Variants in ABCA5 observed in about 807,000 individuals in gnomAD.
The protein encoded by ABCA5 is cholesterol transporter ABCA5.
A neutral mutation model predicts 206.0 loss-of-function variants in ABCA5; 163 were observed. The observed-to-expected ratio is 0.79, with a 90% CI of 0.70 to 0.90. The LOEUF (loss-of-function observed/expected upper bound fraction) is 0.90. Ranked by LOEUF, ABCA5 falls within the 40% of genes least tolerant of loss-of-function variation. The probability of loss-of-function intolerance (pLI) is 0.00; values close to 1 mark genes in which losing one functional copy is unlikely to be tolerated. For missense variants in ABCA5, 1,859 were observed against 1,912.9 expected (o/e 0.97, Z 0.53); for synonymous variants, 609 against 613.8 (o/e 0.99, Z 0.11).
intron 11 of ABCA5, among the ~76,000 whole-genome samples, chr17:69,293,458 C>A (rs550506935): frequency 7.2e-5 from 11 of 152,106 alleles, no homozygotes; most frequent in African/African-American, 2.7e-4. Context: ...TATGGGTCCC[C>A]CTGGCTAGGC....
chr17:69,287,550 C>G (rs566334068), intron 15 of ABCA5, 63 bp downstream of exon 15: 13 of 1,537,334 alleles, frequency 8.5e-6, no homozygotes, highest in Non-Finnish European at 1.1e-5. Flanking sequence ...GAATTAGCAT[C>G]TCTATATCCA....
intron 14 of ABCA5, among the ~76,000 whole-genome samples, chr17:69,288,863 T>TA (rs952296039): frequency 3.3e-5 from 5 of 151,740 alleles, no homozygotes; most frequent in African/African-American, 1.2e-4. Flanking sequence ...GGGTGAGGAA[T>TA]AAAAAAAACT....
Position 69,294,649 on chromosome 17 carries a change from A to G in ABCA5, c.1495+6T>C. The G allele has an allele frequency of 6.3e-7, 1 of 1,599,266 alleles. No homozygotes were observed. Among genetic ancestry groups the G allele is most frequent in the East Asian group, 2.2e-5 (1 of 44,698 alleles). ...CTATGGCCTGAATACTAGGAAAACTACTTACTTCTCAAAGCCTCCACATTT... is the reference window on the plus strand; with the variant it reads ...CTATGGCCTGAATACTAGGAAAACTGCTTACTTCTCAAAGCCTCCACATTT... On this transcript the variant is annotated splice_donor_region_variant and intron_variant, in intron 11 of 38. Transcript: ENST00000392676.
intron 10 of ABCA5, among the ~76,000 whole-genome samples, chr17:69,296,342 G>A (rs948384572): frequency 6.6e-6 from 1 of 151,888 alleles, no homozygotes; most frequent in African/African-American, 2.4e-5. Flanking sequence ...AAAATATTAT[G>A]CTTCACTTTT....
At chr17:69,259,867 C>T in intron 27 of ABCA5, 70 bp from the exon 28 acceptor site, 2 of 948,140 alleles carry the variant, frequency 2.1e-6, no homozygotes, top group Admixed American at 4.9e-5. Context: ...TTTCCTTTGC[C>T]AACAGAACTA....
rs551361957 is a variant in ABCA5 at position 69,278,880 on chromosome 17, A to G, written c.2393-1038T>C. ...TCAATAAATTAGGTATTGATGGGACATATCTCAAAATAATAAGAGCTATCT... is the reference window on the plus strand; with the variant it reads ...TCAATAAATTAGGTATTGATGGGACGTATCTCAAAATAATAAGAGCTATCT... On this transcript the variant is annotated intron_variant, in intron 18 of 38. Coordinates refer to ENST00000392676, the MANE Select transcript of ABCA5 (RefSeq NM_172232.4). Among the ~76,000 whole-genome samples the G allele has an allele frequency of 7.9e-3, 1,193 of 151,486 alleles. 7 individuals are homozygous for G. The highest frequency in any genetic ancestry group is 0.014 in the Middle Eastern group (4 of 294).
intron 19 of ABCA5, among the ~76,000 whole-genome samples, chr17:69,275,326 G>A (rs1047973918): frequency 2.0e-5 from 3 of 152,158 alleles, no homozygotes; most frequent in East Asian, 1.9e-4. Flanking sequence ...TTTATCTGAA[G>A]AGCAGCTACT....
At chr17:69,271,321 A>G in intron 20 of ABCA5, 32 bp from the exon 21 acceptor site, 5 of 1,592,692 alleles carry the variant, frequency 3.1e-6, no homozygotes, top group Non-Finnish European at 3.4e-6. Context: ...ATAATAAAAA[A>G]TGAGTCTAAA....
At chr17:69,318,972 C>T in intron 1 of ABCA5, 1 of 534,624 alleles carries the variant, frequency 1.9e-6, no homozygotes. Context: ...TAAATAATGG[C>T]TGTTCAGCAG....
At chr17:69,290,166 G>A (rs115819511) in intron 12 of ABCA5, 129 bp from the exon 13 acceptor site, 6 of 571,492 alleles carry the variant, frequency 1.0e-5, no homozygotes. Context: ...AATTTACAAG[G>A]CACAACACAC....
intron 23 of ABCA5, 136 bp downstream of exon 23, chr17:69,267,807 C>T (rs2075227408): frequency 2.3e-6 from 1 of 436,102 alleles, no homozygotes; most frequent in Non-Finnish European, 4.2e-6. Context: ...CAATAAGAAA[C>T]TATAATAAAT....
intron 24 of ABCA5, among the ~76,000 whole-genome samples, chr17:69,262,576 A>G (rs2075161266): frequency 6.6e-6 from 1 of 151,994 alleles, no homozygotes; most frequent in South Asian, 2.1e-4. Context: ...ATTCTTTTTT[A>G]TGGCTGCTCA....
Position 69,313,207 on chromosome 17 carries a change from T to A in ABCA5, c.192A>T (p.Ile64=). The part of the protein sequence containing the change: ...PNKKYEEVPN[I]ELNPMDKFTL... ...TAAACTTGTCCATAGGATTGAGTTC[T>A]ATATTAGGCACTTCTTCATATTTCT... The change falls in exon 3 of 39, where the codon ATA becomes ATT. Residue 64 remains isoleucine (I), a synonymous_variant. Coordinates refer to ENST00000392676, the MANE Select transcript of ABCA5 (RefSeq NM_172232.4). 1 of 1,567,158 alleles carries A rather than the reference T, an allele frequency of 6.4e-7. No homozygotes were observed. Among genetic ancestry groups the A allele is most frequent in the Non-Finnish European group, 8.8e-7 (1 of 1,138,470 alleles).
intron 10 of ABCA5, 58 bp downstream of exon 10, chr17:69,297,133 G>A (rs1011580969): frequency 6.8e-7 from 1 of 1,475,756 alleles, no homozygotes; most frequent in Non-Finnish European, 9.3e-7. Flanking sequence ...TTAAAGAATA[G>A]GATTTAAATG....
At chr17:69,255,377 T>G (rs2144898956) in intron 31 of ABCA5, among the ~76,000 whole-genome samples, 166 bp downstream of exon 31, 1 of 152,326 alleles carries the variant, frequency 6.6e-6, no homozygotes, top group Admixed American at 6.5e-5. Context: ...ACCATGCACA[T>G]TATTTTTACA....
At position 69,306,899 on chromosome 17, in the gene ABCA5, A is replaced by G. The variant is rs2075723299; in HGVS notation, c.614T>C (p.Met205Thr). Residue 205 changes from methionine to threonine, a missense_variant, in exon 6 of 39, where the codon ATG becomes ACG. Coordinates refer to ENST00000392676, the MANE Select transcript of ABCA5 (RefSeq NM_172232.4). ...TATTTCTACAACAGCAGTTTCTCCC[A>G]TAATAACAGCTTTAGTTGACTCCAG... ...KELESTKAVIMGETAVVEIDT... is the reference protein window; with the variant it reads ...KELESTKAVITGETAVVEIDT... 2 of 1,590,378 alleles carry G rather than the reference A, an allele frequency of 1.3e-6. No individual in the cohort carries two copies. The highest frequency in any genetic ancestry group is 1.7e-6 in the Non-Finnish European group (2 of 1,167,572).
At chr17:69,273,436 A>C (rs1042539739) in intron 20 of ABCA5, among the ~76,000 whole-genome samples, 4 of 63,134 alleles carry the variant, frequency 6.3e-5, no homozygotes, top group African/African-American at 1.9e-4. Flanking sequence ...ACAAAGTATA[A>C]ATTTTTTTAA....
intron 11 of ABCA5, among the ~76,000 whole-genome samples, chr17:69,292,102 C>A (rs1356217466): frequency 6.6e-6 from 1 of 152,072 alleles, no homozygotes; most frequent in Non-Finnish European, 1.5e-5. Context: ...GAGCAAGACC[C>A]TGTCTCAAAA....
intron 1 of ABCA5, among the ~76,000 whole-genome samples, chr17:69,317,545 T>C (rs2075828874): frequency 6.6e-6 from 1 of 151,536 alleles, no homozygotes; most frequent in Non-Finnish European, 1.5e-5. Context: ...CCAGAAAAGA[T>C]AAATGTAGGG....
Sources: allele counts gnomAD v4.1 joint callset (sites outside exome capture counted in the v4.1 genomes callset), GRCh38; gene constraint gnomAD v4.1.1; transcripts MANE v1.5; gene names NCBI Gene and HGNC (gene_info 2026-07-23, HGNC 2026-07-21).